PRDM11: variants seen among roughly 807,000 people sequenced by gnomAD.
PRDM11 encodes the protein PR domain-containing protein 11.
Under a neutral mutation model 97.8 loss-of-function variants are expected in PRDM11, and 20 were observed. The observed-to-expected ratio is 0.20, with a 90% CI of 0.14 to 0.30. The LOEUF is 0.30. PRDM11 is among the 10% of genes least tolerant of loss of function. The pLI is 1.00. For missense variants in PRDM11, 1,139 were observed against 1,555.2 expected, an observed-to-expected ratio of 0.73 and a Z score of 4.50; for synonymous variants, 599 against 637.7, an observed-to-expected ratio of 0.94 and a Z score of 0.91.
Position 45,117,330 on chromosome 11 carries a change from A to C in PRDM11, c.96+21429A>C, listed in dbSNP as rs574564965. Among the ~76,000 whole-genome samples the C allele has an allele frequency of 7.9e-5, 12 of 152,332 alleles. No homozygotes were observed. In the South Asian group the frequency reaches 1.2e-3, roughly 16 times the overall value. On this transcript the variant is annotated intron_variant, in intron 1 of 6. Coordinates refer to the PRDM11 transcript ENST00000530656. ...TAGATGATAACCCAAAGCATAAAAT[A>C]AATATCCATAAGTCCATACTGATAT... is the stretch of plus-strand genomic sequence containing the variant.
intron 5 of PRDM11, among the ~76,000 whole-genome samples, chr11:45,217,973 G>A (rs1431966287): frequency 6.6e-6 from 1 of 152,168 alleles, no homozygotes; most frequent in Non-Finnish European, 1.5e-5. Context: ...GTCGTTTACT[G>A]GGGCTTGTTT....
intron 1 of PRDM11, among the ~76,000 whole-genome samples, chr11:45,101,524 G>T (rs977339948): frequency 2.7e-5 from 4 of 146,264 alleles, no homozygotes; most frequent in African/African-American, 1.1e-4. Flanking sequence ...CTACTGCACT[G>T]CAGCCTGGGT....
chr11:45,203,348 T>A (rs978897083), intron 4 of PRDM11, among the ~76,000 whole-genome samples: 10 of 150,938 alleles, frequency 6.6e-5, no homozygotes, highest in African/African-American at 2.4e-4. Context: ...AGAGGCAGGA[T>A]GTATAAAAGG....
At chr11:45,224,125 G>C (rs1854195376) in intron 6 of PRDM11, 92 bp from the exon 7 acceptor site, 1 of 1,426,082 alleles carries the variant, frequency 7.0e-7, no homozygotes, top group Non-Finnish European at 9.4e-7. Flanking sequence ...GGATGTGTCA[G>C]GTGACCTAAC....
At chr11:45,195,334 T>C (rs1021541310) in intron 4 of PRDM11, among the ~76,000 whole-genome samples, 17 of 152,198 alleles carry the variant, frequency 1.1e-4, no homozygotes, top group Admixed American at 1.0e-3. Context: ...CTGTATCCTC[T>C]GGCTGTCGTT....
intron 1 of PRDM11, among the ~76,000 whole-genome samples, chr11:45,097,959 A>G (rs566427916): frequency 6.6e-6 from 1 of 152,396 alleles, no homozygotes; most frequent in South Asian, 2.1e-4. Context: ...GAAATGTCAG[A>G]ACAAAATGTG....
At chr11:45,136,989 C>CAAAAAAAAA (rs759854361) in intron 1 of PRDM11, among the ~76,000 whole-genome samples, 2 of 110,038 alleles carry the variant, frequency 1.8e-5, no homozygotes. Context: ...ACTAAAAATA[C>CAAAAAAAAA]AAAAAAAAAA....
intron 1 of PRDM11, among the ~76,000 whole-genome samples, chr11:45,137,575 ACCT>A (rs1172181608): frequency 1.3e-5 from 2 of 151,944 alleles, no homozygotes; most frequent in Non-Finnish European, 2.9e-5. Context: ...ACATGGCGAG[ACCT>A]CCTCTCTACA....
intron 1 of PRDM11, among the ~76,000 whole-genome samples, chr11:45,165,211 G>T (rs1281416439): frequency 6.6e-6 from 1 of 152,160 alleles, no homozygotes. Context: ...GGCTGCCCTT[G>T]TTCCTGCCCT....
chr11:45,214,974 A>G (rs968031900), intron 5 of PRDM11, among the ~76,000 whole-genome samples: 4 of 152,356 alleles, frequency 2.6e-5, no homozygotes, highest in Admixed American at 6.5e-5. Flanking sequence ...CCACTCAGTT[A>G]TATTTCATTT....
intron 1 of PRDM11, among the ~76,000 whole-genome samples, chr11:45,157,182 A>G (rs1367658653): frequency 1.3e-5 from 2 of 152,170 alleles, no homozygotes; most frequent in East Asian, 3.9e-4. Flanking sequence ...AGTGGTCTCC[A>G]ACCTTTGGGG....
At chr11:45,209,201 C>G (rs1214507273) in intron 5 of PRDM11, 1 of 441,472 alleles carries the variant, frequency 2.3e-6, no homozygotes, top group East Asian at 7.1e-5. Context: ...TCACGGCCCA[C>G]GAGAGGGCCA....
At chr11:45,193,652 A>G (rs1852992190) in intron 4 of PRDM11, among the ~76,000 whole-genome samples, 1 of 152,172 alleles carries the variant, frequency 6.6e-6, no homozygotes. Context: ...CAATTTAAAA[A>G]TCATTCTTAG....
intron 1 of PRDM11, among the ~76,000 whole-genome samples, chr11:45,151,931 T>C (rs1371193070): frequency 2.6e-5 from 4 of 152,056 alleles, no homozygotes; most frequent in Non-Finnish European, 5.9e-5. Flanking sequence ...ACAATAATAG[T>C]ATGAGTAACA....
intron 5 of PRDM11, among the ~76,000 whole-genome samples, chr11:45,218,072 A>T (rs939858343): frequency 2.0e-5 from 3 of 152,200 alleles, no homozygotes; most frequent in Non-Finnish European, 2.9e-5. Flanking sequence ...GTCATAAAAG[A>T]TTCTTTGAAA....
At chr11:45,207,478 C>T (rs552569977) in intron 5 of PRDM11, among the ~76,000 whole-genome samples, 175 of 152,296 alleles carry the variant, frequency 1.1e-3, no homozygotes, top group Admixed American at 1.9e-3. Flanking sequence ...TGGATGCTAT[C>T]AGATAGAAGC....
chr11:45,131,674 T>C (rs1852723060), intron 1 of PRDM11, among the ~76,000 whole-genome samples: 1 of 152,232 alleles, frequency 6.6e-6, no homozygotes, highest in Admixed American at 6.5e-5. Context: ...GAGTAAGTTA[T>C]TGACTTTTGA....
chr11:45,229,654 T>A lies in PRDM11; in HGVS notation c.*1495T>A, dbSNP rs1220084138. 1 of 152,222 alleles carries A rather than the reference T, an allele frequency of 6.6e-6. No individual in the cohort carries two copies. The highest frequency in any genetic ancestry group is 1.5e-5 in the Non-Finnish European group (1 of 68,042). 9.4% of individuals were successfully genotyped at this position (152,222 alleles called of 1,614,324 possible). A position where few individuals can be genotyped will look rare whatever the true frequency, so the allele number is the denominator to read the frequency against. On this transcript the variant is annotated 3_prime_UTR_variant, in exon 8 of 8. Transcript: ENST00000683152. ...ACCGGTATACCTCGCAAGGGAGTTT[T>A]AAAAAATGTGCGTGAGCTGTTAAAA...
chr11:45,203,580 G>A (rs1214916764), intron 4 of PRDM11, among the ~76,000 whole-genome samples: 2 of 151,912 alleles, frequency 1.3e-5, no homozygotes, highest in East Asian at 1.9e-4. Flanking sequence ...AAATATGGAA[G>A]AGTAGTTAAA....
Sources: allele counts gnomAD v4.1 joint callset (sites outside exome capture counted in the v4.1 genomes callset), GRCh38; gene constraint gnomAD v4.1.1; transcripts MANE v1.5; gene names NCBI Gene and HGNC (gene_info 2026-07-23, HGNC 2026-07-21).